FAM110A: variants seen among roughly 807,000 people sequenced by gnomAD.
FAM110A encodes protein FAM110A.
Under a neutral mutation model 4.0 loss-of-function variants are expected in FAM110A, and 1 was observed. The ratio of observed to expected loss-of-function variants is 0.25; its 90% CI spans 0.09 to 1.20. The LOEUF is 1.20. FAM110A is among the 50% of genes most tolerant of loss of function. The probability of loss-of-function intolerance (pLI) is 0.50; values close to 1 mark genes in which losing one functional copy is unlikely to be tolerated. For missense variants in FAM110A, 436 were observed against 429.2 expected (o/e 1.02, Z -0.14); for synonymous variants, 217 against 196.8 (o/e 1.10, Z -0.86).
chr20:842,628 T>G (rs1483344500), intron 1 of FAM110A, among the ~76,000 whole-genome samples: 1 of 152,156 alleles, frequency 6.6e-6, no homozygotes, highest in Non-Finnish European at 1.5e-5. Context: ...TGCAGAGGTC[T>G]CCAGCTGGTG....
intron 1 of FAM110A, among the ~76,000 whole-genome samples, chr20:837,044 TG>T (rs1328656278): frequency 8.3e-5 from 12 of 144,976 alleles, no homozygotes; most frequent in Admixed American, 7.6e-4. Context: ...GACTCTGCAT[TG>T]TTTTTTTTTT....
intron 1 of FAM110A, among the ~76,000 whole-genome samples, chr20:835,198 CTCTA>C (rs1461867714): frequency 1.8e-3 from 251 of 138,736 alleles, no homozygotes; most frequent in East Asian, 0.012. Flanking sequence ...CTCTCTCTCT[CTCTA>C]TATATATATA....
At position 844,689 on chromosome 20, in the gene FAM110A, T is replaced by TTC. The variant is rs1197319426; in HGVS notation, c.-97-19_-97-18insTC. ...AGCGCGCTCGGCTTTTTTTTTTTTTTCTCTCTCCTTCCCTGCAGCAGTGGC... is the reference window on the plus strand; with the variant it reads ...AGCGCGCTCGGCTTTTTTTTTTTTTTTCCTCTCTCCTTCCCTGCAGCAGTGGC... On this transcript the variant is annotated intron_variant, in intron 1 of 1. Transcript: ENST00000381941. 1.6e-6 allele frequency: 2 copies of TTC among 1,283,430 alleles called. No homozygotes were observed. Among genetic ancestry groups the TTC allele is most frequent in the Non-Finnish European group, 2.0e-6 (2 of 1,016,326 alleles). The allele number at this position is 1,283,430 out of a possible 1,614,324, so 79.5% of individuals were successfully genotyped here.
rs2122708753 is a variant in FAM110A at position 845,866 on chromosome 20, T to C, written c.*174T>C. The C allele has an allele frequency of 7.2e-7, 1 of 1,381,614 alleles. No homozygotes were observed. The highest frequency in any genetic ancestry group is 9.6e-7 in the Non-Finnish European group (1 of 1,038,950). 85.6% of individuals were successfully genotyped at this position (1,381,614 alleles called of 1,614,324 possible). A position where few individuals can be genotyped will look rare whatever the true frequency, so the allele number is the denominator to read the frequency against. On this transcript the variant is annotated 3_prime_UTR_variant, in exon 2 of 2. Transcript: ENST00000381941. ...CCAGCATTGTTGGGCAAGGACTGAC[T>C]CTCCAAGGGTTTTGTTCTTGGCTTT...
In FAM110A at chr20:845,409, T is replaced by G. The variant is rs1156583092; in HGVS notation, c.605T>G (p.Leu202Arg). 1.2e-6 allele frequency: 2 copies of G among 1,613,746 alleles called. No homozygotes were observed. Among genetic ancestry groups the G allele is most frequent in the Middle Eastern group, 1.7e-4 (1 of 6,052 alleles). ...SERFSRAAAD[L>R]ERFFNFCGLD... is the part of the protein sequence containing the mutation. ...CGCTTTTCTAGGGCAGCCGCTGATC[T>G]CGAGCGCTTTTTTAACTTCTGCGGC... Residue 202 changes from leucine to arginine, a missense_variant, in exon 2 of 2, where the codon CTC becomes CGC. Coordinates refer to ENST00000381941, the MANE Select transcript of FAM110A (RefSeq NM_001042353.3).
At chr20:839,113 G>T (rs995250854) in intron 1 of FAM110A, among the ~76,000 whole-genome samples, 4 of 152,072 alleles carry the variant, frequency 2.6e-5, no homozygotes, top group African/African-American at 7.2e-5. Context: ...GACTTCCTTG[G>T]GGGGCACATC....
chr20:839,476 C>G lies in FAM110A; in HGVS notation c.-97-5232C>G, dbSNP rs1232577975. 6 of 859,622 alleles carry G rather than the reference C, an allele frequency of 7.0e-6. No individual in the cohort carries two copies. The African/African-American group carries it at 8.3e-5, about 12-fold the overall frequency. 53.2% of individuals were successfully genotyped at this position (859,622 alleles called of 1,614,324 possible). A position where few individuals can be genotyped will look rare whatever the true frequency, so the allele number is the denominator to read the frequency against. On this transcript the variant is annotated intron_variant, in intron 1 of 1. Transcript: ENST00000381941. Reference sequence around the variant, plus strand: ...TGAGGTGGCTGACCACGTCCACGACCACATCTGCCTCTAAACTGGAATTCG... The same window carrying G: ...TGAGGTGGCTGACCACGTCCACGACGACATCTGCCTCTAAACTGGAATTCG...
chr20:839,653 G>A (rs1223878627), intron 1 of FAM110A: 49 of 1,188,694 alleles, frequency 4.1e-5, no homozygotes, highest in Admixed American at 3.4e-4. Flanking sequence ...GTCTCTGGAC[G>A]GCTGCGGTGT....
intron 1 of FAM110A, among the ~76,000 whole-genome samples, chr20:837,594 T>A (rs1375287775): frequency 6.6e-6 from 1 of 152,150 alleles, no homozygotes; most frequent in South Asian, 2.1e-4. Flanking sequence ...ATGGAGAAGT[T>A]GAGTATTTTA....
chr20:845,562 C>T lies in FAM110A; in HGVS notation c.758C>T (p.Ser253Leu), dbSNP rs1253842743. Residue 253 changes from serine to leucine, a missense_variant, in exon 2 of 2, where the codon TCG (serine) becomes TTG (leucine). Coordinates refer to ENST00000381941, the MANE Select transcript of FAM110A (RefSeq NM_001042353.3). ...GAAGGGGGCTGCTCCCGCCGCAGCTCGGTGACTGTTGAGGAGCGGGCCCGG... is the reference window on the plus strand; with the variant it reads ...GAAGGGGGCTGCTCCCGCCGCAGCTTGGTGACTGTTGAGGAGCGGGCCCGG... ...SSEGGCSRRS[S>L]VTVEERARER... 9 of 1,613,552 alleles carry T rather than the reference C, an allele frequency of 5.6e-6. No individual in the cohort carries two copies. Among genetic ancestry groups the T allele is most frequent in the South Asian group, 1.1e-5 (1 of 91,058 alleles).
chr20:839,083 C>G (rs563760966), intron 1 of FAM110A, among the ~76,000 whole-genome samples: 4 of 152,054 alleles, frequency 2.6e-5, no homozygotes, highest in Admixed American at 2.0e-4. Flanking sequence ...GTCCAGCCGA[C>G]GAGGCAGTAG....
intron 1 of FAM110A, chr20:841,219 C>G (rs767383677): frequency 3.9e-5 from 6 of 152,276 alleles, no homozygotes; most frequent in Non-Finnish European, 8.8e-5. Flanking sequence ...AGCGGGTTCA[C>G]TTGCCCGCGG....
chr20:841,655 GGC>G (rs1979924395), intron 1 of FAM110A, among the ~76,000 whole-genome samples: 1 of 152,170 alleles, frequency 6.6e-6, no homozygotes, highest in East Asian at 1.9e-4. Context: ...GTGGGGAGGG[GGC>G]CAGGTGGGGA....
In FAM110A at chr20:845,326, C is replaced by A. The variant is rs1198816500; in HGVS notation, c.522C>A (p.Ala174=). The A allele has an allele frequency of 1.9e-6, 3 of 1,563,970 alleles. No homozygotes were observed. Among genetic ancestry groups the A allele is most frequent in the Non-Finnish European group, 2.6e-6 (3 of 1,155,152 alleles). The change falls in exon 2 of 2, where the codon GCC becomes GCA. Residue 174 remains alanine, a synonymous_variant. Coordinates refer to ENST00000381941, the MANE Select transcript of FAM110A (RefSeq NM_001042353.3). ...ARPCPSPGPA[A]ASSPARPPGL... ...CCTGCCCATCACCCGGCCCTGCCGCCGCCTCCAGCCCAGCCCGGCCGCCGG... is the reference window on the plus strand; with the variant it reads ...CCTGCCCATCACCCGGCCCTGCCGCAGCCTCCAGCCCAGCCCGGCCGCCGG...
intron 1 of FAM110A, chr20:839,955 C>G: frequency 6.6e-7 from 1 of 1,507,018 alleles, no homozygotes; most frequent in Non-Finnish European, 9.2e-7. Flanking sequence ...AATGGCAATC[C>G]GGTTCTTCTT....
In FAM110A at chr20:840,255, G is replaced by A. The variant is rs1432598750; in HGVS notation, c.-97-4453G>A. ...GGAAAGCTGATGTGCATCACTGCCG[G>A]TCTCCTCATGCCCTGTACCCTAGTC... On this transcript the variant is annotated intron_variant, in intron 1 of 1. Transcript: ENST00000381941. This position sits in a 1 kb window ranked among gnomAD's most constrained non-coding sequence, Gnocchi z 4.4. Among the ~76,000 whole-genome samples, 4 of 152,116 alleles carry A rather than the reference G, an allele frequency of 2.6e-5. No homozygotes were observed. Among genetic ancestry groups the A allele is most frequent in the Non-Finnish European group, 4.4e-5 (3 of 68,014 alleles).
At chr20:837,976 G>A (rs895498895) in intron 1 of FAM110A, among the ~76,000 whole-genome samples, 64 of 151,974 alleles carry the variant, frequency 4.2e-4, no homozygotes, top group African/African-American at 1.5e-3. Flanking sequence ...GTACAGTGGA[G>A]AAATTTGGCA....
Position 845,261 on chromosome 20 carries a change from C to A in FAM110A, c.457C>A (p.Arg153=). 1 of 1,492,808 alleles carries A rather than the reference C, an allele frequency of 6.7e-7. No homozygotes were observed. Among genetic ancestry groups the A allele is most frequent in the South Asian group, 1.3e-5 (1 of 74,816 alleles). 92.5% of individuals were successfully genotyped at this position (1,492,808 alleles called of 1,614,324 possible). ...GCCGCCCAGTACCTCTGCGGTCCGC[C>A]GGGTGGACGTCCGCCCCCTGCCCGC... ...RPPPSTSAVR[R]VDVRPLPASP... Residue 153 remains arginine, a synonymous_variant, in exon 2 of 2, where the codon CGG becomes AGG. Transcript: ENST00000381941.
At chr20:835,751 C>T (rs7271234) in intron 1 of FAM110A, among the ~76,000 whole-genome samples, 23,190 of 152,204 alleles carry the variant, frequency 0.15, 1,971 homozygotes, top group African/African-American at 0.22. Flanking sequence ...AGCTCAGGGC[C>T]TGGTGTGGCT....
Sources: allele counts gnomAD v4.1 joint callset (sites outside exome capture counted in the v4.1 genomes callset), GRCh38; gene constraint gnomAD v4.1.1; non-coding constraint Gnocchi (gnomAD v3.1); transcripts MANE v1.5; gene names NCBI Gene and HGNC (gene_info 2026-07-23, HGNC 2026-07-21).